Variants in COL25A1 observed in about 807,000 individuals in gnomAD.
The protein encoded by COL25A1 is collagen type XXV alpha 1 chain, also known as collagen alpha-1(XXV) chain.
A neutral mutation model predicts 128.4 loss-of-function variants in COL25A1; 103 were observed. The ratio of observed to expected loss-of-function variants is 0.80; its 90% confidence interval spans 0.68 to 0.94. COL25A1 has a LOEUF of 0.94. COL25A1 is among the 40% of genes least tolerant of loss of function. The probability of loss-of-function intolerance (pLI) is 0.00; values close to 1 mark genes in which losing one functional copy is unlikely to be tolerated. For synonymous variants in COL25A1, 279 were observed against 277.2 expected, an observed-to-expected ratio of 1.01 and a Z score of -0.06; for missense variants, 745 against 840.0, an observed-to-expected ratio of 0.89 and a Z score of 1.40.
rs1199931180 is a variant in COL25A1, at chr4:108,812,669, AAAAAG to A, written c.*1253_*1257del. ...TCAATATTCTTGGGACTAAAGAAAG[AAAAAG>A]AAAAAAGCATTAAAAAGAATGAAAA... On this transcript the variant is annotated 3_prime_UTR_variant, in exon 38 of 38. Coordinates refer to ENST00000399132, the MANE Select transcript of COL25A1 (RefSeq NM_198721.4). The A allele has an allele frequency of 6.6e-5, 10 of 152,366 alleles. No homozygotes were observed. Among genetic ancestry groups the A allele is most frequent in the Admixed American group, 3.9e-4 (6 of 15,302 alleles). The allele number at this position is 152,366 out of a possible 1,614,324, so 9.4% of individuals were successfully genotyped here. A position where few individuals can be genotyped will look rare whatever the true frequency, so the allele number is the denominator to read the frequency against.
In COL25A1 at chr4:108,958,831, T is replaced by C. The variant is rs189599533; in HGVS notation, c.492+15536A>G. On this transcript the variant is annotated intron_variant, in intron 8 of 37. Coordinates refer to ENST00000399132, the MANE Select transcript of COL25A1 (RefSeq NM_198721.4). ...ATGTAAAACTACCAAGTTTAAACTATACTAATTTTAATCTTTGAGCAGACT... is the reference window on the plus strand; with the variant it reads ...ATGTAAAACTACCAAGTTTAAACTACACTAATTTTAATCTTTGAGCAGACT... 9.7e-4 allele frequency among the ~76,000 whole-genome samples: 147 copies of C among 152,234 alleles called. 1 individual carries two copies. The highest frequency in any genetic ancestry group is 3.0e-3 in the African/African-American group (125 of 41,566).
chr4:108,860,367 AG>A (rs1229782338), intron 23 of COL25A1, among the ~76,000 whole-genome samples: 4 of 152,216 alleles, frequency 2.6e-5, no homozygotes, highest in African/African-American at 4.8e-5. Context: ...CTAGAATTAC[AG>A]GTGTGAGCCA....
intron 8 of COL25A1, among the ~76,000 whole-genome samples, chr4:108,951,390 C>CTT (rs753653517): frequency 7.2e-6 from 1 of 139,258 alleles, no homozygotes; most frequent in Non-Finnish European, 1.6e-5. Context: ...CTTTTTTTTT[C>CTT]TTTTTTTTTT....
intron 3 of COL25A1, among the ~76,000 whole-genome samples, chr4:109,155,056 A>G (rs17039980): frequency 0.084 from 12,712 of 152,204 alleles, 918 homozygotes; most frequent in East Asian, 0.25. Flanking sequence ...AAGTATTTCA[A>G]TGTAAGGCAG....
At chr4:109,153,549 C>T (rs747540633) in intron 3 of COL25A1, among the ~76,000 whole-genome samples, 2 of 152,112 alleles carry the variant, frequency 1.3e-5, no homozygotes, top group Non-Finnish European at 2.9e-5. Flanking sequence ...CAAAGAAGAG[C>T]CACATATTTT....
chr4:108,889,278 T>C (rs1401195624), intron 17 of COL25A1, 22 bp from the exon 18 acceptor site: 2 of 1,613,336 alleles, frequency 1.2e-6, no homozygotes, highest in Non-Finnish European at 8.5e-7. Flanking sequence ...AAACCAAAGA[T>C]GAAAAACACA....
chr4:108,940,209 T>C (rs925721106), intron 10 of COL25A1, among the ~76,000 whole-genome samples: 1 of 152,184 alleles, frequency 6.6e-6, no homozygotes, highest in Non-Finnish European at 1.5e-5. Flanking sequence ...AGGATACACC[T>C]GGGAATGGGC....
intron 13 of COL25A1, among the ~76,000 whole-genome samples, chr4:108,908,297 G>A (rs1743771884): frequency 1.3e-5 from 2 of 152,094 alleles, no homozygotes; most frequent in Admixed American, 1.3e-4. Flanking sequence ...TCACTGAGCT[G>A]AGTCTGTCTT....
chr4:109,198,294 T>TCACACACACACACACACACACA lies in COL25A1; in HGVS notation c.367+102267_367+102288dup, dbSNP rs112993547. Among the ~76,000 whole-genome samples the TCACACACACACACACACACACA allele has an allele frequency of 9.3e-4, 134 of 144,046 alleles. 1 individual carries two copies. The highest frequency in any genetic ancestry group is 1.4e-3 in the Non-Finnish European group (93 of 65,748). The allele number at this position is 144,046 out of a possible 152,430, so 94.5% of individuals were successfully genotyped here. The stretch of plus-strand genomic sequence containing the variant: ...ACCACATCAGACTCTGCATATTCAT[T>TCACACACACACACACACACACA]CACACACACACACACACACACACAC... On this transcript the variant is annotated intron_variant, in intron 3 of 37. Transcript: ENST00000399132.
chr4:109,107,307 T>G (rs898252974), intron 3 of COL25A1, among the ~76,000 whole-genome samples: 1 of 152,150 alleles, frequency 6.6e-6, no homozygotes, highest in African/African-American at 2.4e-5. Context: ...GACTTCTCAT[T>G]GAAGGTCCTC....
At chr4:109,269,843 C>T (rs1267302692) in intron 3 of COL25A1, among the ~76,000 whole-genome samples, 1 of 152,098 alleles carries the variant, frequency 6.6e-6, no homozygotes, top group African/African-American at 2.4e-5. Flanking sequence ...AAACCGAATC[C>T]AGCAGCACGT....
chr4:108,860,323 C>T (rs114786666), intron 23 of COL25A1, among the ~76,000 whole-genome samples: 3,620 of 152,228 alleles, frequency 0.024, 59 homozygotes, highest in Non-Finnish European at 0.035. Context: ...AACTCCTGAC[C>T]TCAGGTGATC....
intron 3 of COL25A1, among the ~76,000 whole-genome samples, chr4:109,082,479 A>T (rs1763927823): frequency 6.6e-6 from 1 of 152,156 alleles, no homozygotes; most frequent in South Asian, 2.1e-4. Context: ...CTTTTTTATT[A>T]CAGCCGTCCT....
At chr4:108,948,814 C>G (rs1028007917) in intron 8 of COL25A1, among the ~76,000 whole-genome samples, 6 of 152,108 alleles carry the variant, frequency 3.9e-5, no homozygotes, top group Non-Finnish European at 7.4e-5. Flanking sequence ...TACTAAAATG[C>G]TAAGTAAGTG....
chr4:109,237,698 T>C (rs1779568277), intron 3 of COL25A1, among the ~76,000 whole-genome samples: 2 of 151,932 alleles, frequency 1.3e-5, no homozygotes, highest in Admixed American at 1.3e-4. Flanking sequence ...CCTTTTAACA[T>C]TTTTAATTGT....
chr4:108,959,469 G>A (rs1232000127), intron 8 of COL25A1, among the ~76,000 whole-genome samples: 1 of 151,960 alleles, frequency 6.6e-6, no homozygotes, highest in Non-Finnish European at 1.5e-5. Context: ...CCAGTAATAG[G>A]AAAAAATAAA....
At chr4:108,920,901 T>C (rs980210705) in intron 11 of COL25A1, 18 of 245,182 alleles carry the variant, frequency 7.3e-5, no homozygotes, top group African/African-American at 3.6e-4. Context: ...CCTATAAATG[T>C]GTCACATCAA....
At chr4:108,910,744 T>C (rs1245519816) in intron 13 of COL25A1, among the ~76,000 whole-genome samples, 4 of 152,226 alleles carry the variant, frequency 2.6e-5, no homozygotes, top group Non-Finnish European at 5.9e-5. Flanking sequence ...GAGATAATCA[T>C]AGTGCCTATT....
At chr4:109,249,523 GT>G (rs1279710082) in intron 3 of COL25A1, among the ~76,000 whole-genome samples, 8 of 152,020 alleles carry the variant, frequency 5.3e-5, no homozygotes, top group Non-Finnish European at 8.8e-5. Flanking sequence ...CAACAACAAT[GT>G]TTTTATGTGT....
Sources: gnomAD v4.1 joint callset for allele counts (sites outside exome capture counted in the v4.1 genomes callset) on GRCh38, gnomAD v4.1.1 for gene constraint, MANE v1.5 for transcripts, NCBI Gene and HGNC (gene_info 2026-07-23, HGNC 2026-07-21) for gene names.